The following RBFOX1 variants were observed in gnomAD, a reference collection of about 807,000 sequenced individuals.
RBFOX1 encodes RNA binding protein fox-1 homolog 1.
A neutral mutation model predicts 57.7 loss-of-function variants in RBFOX1; 8 were observed. That is an observed-to-expected ratio of 0.14 (90% CI 0.08 to 0.25). The LOEUF is 0.25. RBFOX1 is among the 10% of genes least tolerant of loss of function. The pLI, the probability that RBFOX1 is intolerant of heterozygous loss-of-function variation, is 1.00. For missense variants in RBFOX1, 611 were observed against 548.5 expected, an observed-to-expected ratio of 1.11 and a Z score of -1.14; for synonymous variants, 326 against 222.4, an observed-to-expected ratio of 1.47 and a Z score of -4.15.
chr16:6,640,274 A>G (rs974472016), intron 2 of RBFOX1, among the ~76,000 whole-genome samples: 10 of 152,170 alleles, frequency 6.6e-5, no homozygotes, highest in Admixed American at 1.3e-4. Flanking sequence ...TTGATATACT[A>G]TTAAGAACTA....
intron 5 of RBFOX1, among the ~76,000 whole-genome samples, chr16:7,536,556 T>C (rs935551886): frequency 7.2e-5 from 11 of 152,212 alleles, no homozygotes; most frequent in Non-Finnish European, 1.5e-4. Flanking sequence ...ATGGCACCAC[T>C]GCACTCCAGC....
At chr16:7,520,264 T>C (rs2077249902) in intron 5 of RBFOX1, among the ~76,000 whole-genome samples, 1 of 152,200 alleles carries the variant, frequency 6.6e-6, no homozygotes, top group African/African-American at 2.4e-5. Flanking sequence ...TTTATTGTGG[T>C]AAAATACATA....
rs557193469 is a variant in RBFOX1 at position 6,619,212 on chromosome 16, C to A, written c.-63-35391C>A. 9.9e-5 allele frequency among the ~76,000 whole-genome samples: 15 copies of A among 152,228 alleles called. No individual in the cohort carries two copies. The East Asian group carries it at 1.7e-3, about 18-fold the overall frequency. On this transcript the variant is annotated intron_variant, in intron 2 of 15. Transcript: ENST00000550418. ...CTGATGTCTCATGCCTCTGTCCCCC[C>A]CTTAAACAGTGAGGCAGCTGGGCTA...
At chr16:7,260,062 T>A (rs900702919) in intron 4 of RBFOX1, among the ~76,000 whole-genome samples, 12 of 152,222 alleles carry the variant, frequency 7.9e-5, no homozygotes, top group African/African-American at 2.9e-4. Flanking sequence ...AGACTGTCTA[T>A]TCACTGTTTT....
At chr16:6,292,591 G>C (rs1400432143) in intron 1 of RBFOX1, among the ~76,000 whole-genome samples, 2 of 145,114 alleles carry the variant, frequency 1.4e-5, no homozygotes, top group African/African-American at 2.6e-5. Context: ...ACAACAAAAT[G>C]GTTGAGGGGG....
At chr16:7,658,976 C>G (rs957936064) in intron 12 of RBFOX1, among the ~76,000 whole-genome samples, 1 of 152,206 alleles carries the variant, frequency 6.6e-6, no homozygotes, top group Admixed American at 6.5e-5. Flanking sequence ...CTGCCCACCT[C>G]AGCCTCCCAA....
chr16:6,866,331 T>C (rs962506020), intron 3 of RBFOX1, among the ~76,000 whole-genome samples: 2 of 151,936 alleles, frequency 1.3e-5, no homozygotes, highest in Admixed American at 6.6e-5. Context: ...AACAAGGAAA[T>C]AGATCACTTC....
chr16:7,144,314 T>C (rs1385760055), intron 4 of RBFOX1, among the ~76,000 whole-genome samples: 1 of 152,136 alleles, frequency 6.6e-6, no homozygotes, highest in Admixed American at 6.5e-5. Context: ...AACACCATTT[T>C]GTACCGTCAC....
intron 3 of RBFOX1, among the ~76,000 whole-genome samples, chr16:5,828,780 G>T (rs996179905): frequency 6.6e-6 from 1 of 152,152 alleles, no homozygotes; most frequent in Non-Finnish European, 1.5e-5. Flanking sequence ...TGGAGTGCTG[G>T]GCAAGGAAGA....
chr16:7,184,490 A>T (rs918907114), intron 4 of RBFOX1, among the ~76,000 whole-genome samples: 2 of 152,218 alleles, frequency 1.3e-5, no homozygotes, highest in Admixed American at 1.3e-4. Flanking sequence ...ACCTCCTCTG[A>T]CATAGTTATT....
intron 2 of RBFOX1, among the ~76,000 whole-genome samples, chr16:6,404,907 C>T (rs1410272290): frequency 6.6e-6 from 1 of 152,188 alleles, no homozygotes; most frequent in Non-Finnish European, 1.5e-5. Flanking sequence ...GCCTGGCTAT[C>T]CTAGCTTGAA....
At chr16:5,699,993 C>T (rs539336654) in intron 3 of RBFOX1, among the ~76,000 whole-genome samples, 41 of 152,102 alleles carry the variant, frequency 2.7e-4, no homozygotes, top group Admixed American at 9.8e-4. Context: ...CCACCACGCC[C>T]GGCTAATTTT....
chr16:7,078,045 C>G (rs78365506), intron 4 of RBFOX1, among the ~76,000 whole-genome samples: 2,048 of 152,276 alleles, frequency 0.013, 56 homozygotes, highest in African/African-American at 0.047. Context: ...AGACAAACAC[C>G]TTTTGAGATT....
rs558264766 is a variant in RBFOX1 at position 6,374,412 on chromosome 16, C to G, written c.-64+57355C>G. Among the ~76,000 whole-genome samples the G allele has an allele frequency of 5.3e-5, 8 of 152,248 alleles. No homozygotes were observed. In the East Asian group the frequency reaches 1.5e-3, roughly 29 times the overall value. On this transcript the variant is annotated intron_variant, in intron 2 of 15. Coordinates refer to ENST00000550418, the MANE Select transcript of RBFOX1 (RefSeq NM_018723.4). Reference sequence around the variant, plus strand: ...TTTTATCCTTTTCTATTTTCTCATACTAAGAAAGTAAGTAGCAAATTCTTC... The same window carrying G: ...TTTTATCCTTTTCTATTTTCTCATAGTAAGAAAGTAAGTAGCAAATTCTTC...
chr16:5,294,199 A>C (rs559484563), intron 1 of RBFOX1, among the ~76,000 whole-genome samples: 69 of 152,350 alleles, frequency 4.5e-4, no homozygotes, highest in African/African-American at 1.6e-3. Context: ...ACTGCACTCC[A>C]GCCTGGGTGA....
At chr16:6,082,000 A>G (rs2096008518) in intron 1 of RBFOX1, among the ~76,000 whole-genome samples, 1 of 152,152 alleles carries the variant, frequency 6.6e-6, no homozygotes, top group African/African-American at 2.4e-5. Flanking sequence ...TTGAGTGTGG[A>G]GTCAAAGCAT....
At chr16:5,744,263 G>A (rs1489329348) in intron 3 of RBFOX1, among the ~76,000 whole-genome samples, 2 of 152,102 alleles carry the variant, frequency 1.3e-5, no homozygotes, top group African/African-American at 4.8e-5. Context: ...GCCCTTGAAT[G>A]AATTGCTCTG....
Position 7,087,733 on chromosome 16 carries a change from C to T in RBFOX1, c.27+35635C>T, listed in dbSNP as rs529722285. ...AAGAAGAGGGTCTCTAAGGACTTGA[C>T]AGGAAAAGGCAAGATTTTCTACCCA... On this transcript the variant is annotated intron_variant, in intron 4 of 15. Coordinates refer to ENST00000550418, the MANE Select transcript of RBFOX1 (RefSeq NM_018723.4). 2.6e-5 allele frequency among the ~76,000 whole-genome samples: 4 copies of T among 152,254 alleles called. No homozygotes were observed. The South Asian group carries it at 8.3e-4, about 32-fold the overall frequency.
chr16:7,525,688 GAGA>G, intron 5 of RBFOX1, among the ~76,000 whole-genome samples: 1 of 152,274 alleles, frequency 6.6e-6, no homozygotes, highest in South Asian at 2.1e-4. Flanking sequence ...GGGTGTCCTG[GAGA>G]AGAAAAATTG....
Sources: gnomAD v4.1 joint callset for allele counts (sites outside exome capture counted in the v4.1 genomes callset) on GRCh38, gnomAD v4.1.1 for gene constraint, MANE v1.5 for transcripts, NCBI Gene and HGNC (gene_info 2026-07-23, HGNC 2026-07-21) for gene names.